The following CABLES1 variants were observed in gnomAD, a reference collection of about 807,000 sequenced individuals.
The protein encoded by CABLES1 is CDK5 and ABL1 enzyme substrate 1.
A neutral mutation model predicts 57.8 loss-of-function variants in CABLES1; 36 were observed. The ratio of observed to expected loss-of-function variants is 0.62; its 90% CI spans 0.48 to 0.82. The LOEUF (loss-of-function observed/expected upper bound fraction) is 0.82, where lower values mean the gene tolerates loss of function less well. CABLES1 is among the 40% of genes least tolerant of loss of function. The pLI is 0.00. For synonymous variants in CABLES1, 374 were observed against 363.0 expected (o/e 1.03, Z -0.35); for missense variants, 767 against 836.6 (o/e 0.92, Z 1.03).
rs1400381040 is a variant in CABLES1, at chr18:23,216,271, A to C, written c.1088+2217A>C. Among the ~76,000 whole-genome samples, 3 of 152,320 alleles carry C rather than the reference A, an allele frequency of 2.0e-5. No individual in the cohort carries two copies. The East Asian group carries it at 5.8e-4, about 29-fold the overall frequency. ...TAGATGACATCACTGATCCATCCTT[A>C]AGAGTTGAAATCTCAAACATCAACT... On this transcript the variant is annotated intron_variant, in intron 4 of 9. Transcript: ENST00000256925.
At chr18:23,244,804 T>C (rs1276676080) in intron 7 of CABLES1, among the ~76,000 whole-genome samples, 1 of 152,168 alleles carries the variant, frequency 6.6e-6, no homozygotes, top group African/African-American at 2.4e-5. Flanking sequence ...TACAGCTAGC[T>C]CCTGGGGTGC....
At position 23,212,003 on chromosome 18, in the gene CABLES1, G is replaced by A. The variant is rs932075837; in HGVS notation, c.1011-1974G>A. Among the ~76,000 whole-genome samples the A allele has an allele frequency of 1.3e-4, 20 of 152,228 alleles. 1 individual carries two copies. In the East Asian group the frequency reaches 1.9e-3, roughly 15 times the overall value. On this transcript the variant is annotated intron_variant, in intron 3 of 9. Coordinates refer to ENST00000256925, the MANE Select transcript of CABLES1 (RefSeq NM_001100619.3). ...TGCTCTGTCCTTGACAGTGACCAGC[G>A]TCCGGGCCCGTGGTATCTGATGAGC...
At chr18:23,236,725 A>G (rs558754163) in intron 6 of CABLES1, among the ~76,000 whole-genome samples, 1 of 152,302 alleles carries the variant, frequency 6.6e-6, no homozygotes, top group African/African-American at 2.4e-5. Flanking sequence ...TCATACGGAC[A>G]CAATAGCATG....
At chr18:23,152,935 G>A (rs551598073) in intron 1 of CABLES1, among the ~76,000 whole-genome samples, 1 of 151,032 alleles carries the variant, frequency 6.6e-6, no homozygotes, top group African/African-American at 2.4e-5. Context: ...CCGAGTAGCT[G>A]GGATTACAGG....
At chr18:23,186,423 CT>C (rs869108601) in intron 1 of CABLES1, among the ~76,000 whole-genome samples, 2,121 of 143,320 alleles carry the variant, frequency 0.015, 25 homozygotes, top group African/African-American at 0.039. Context: ...CTTTTCTCTT[CT>C]TTTTTTTTTT....
intron 1 of CABLES1, among the ~76,000 whole-genome samples, chr18:23,163,688 T>G (rs1386658865): frequency 6.6e-6 from 1 of 152,054 alleles, no homozygotes; most frequent in Non-Finnish European, 1.5e-5. Context: ...GTGGCCATCT[T>G]TAACTGGTGA....
rs754014882 is a variant in CABLES1 at position 23,136,526 on chromosome 18, C to T, written c.764C>T (p.Pro255Leu). ...ATCCTGCCCATCGCCTTCTCCAGGC[C>T]GACTTCGCAGAACTACTGCTCCCTG... is the stretch of plus-strand genomic sequence containing the variant. ...QGILPIAFSR[P>L]TSQNYCSLEQ... The change falls in exon 1 of 10, where the codon CCG becomes CTG. Residue 255 changes from proline to leucine, a missense_variant. Pro to Leu is a moderately conservative substitution (Grantham distance 98). Transcript: ENST00000256925. The T allele has an allele frequency of 2.5e-6, 4 of 1,588,878 alleles. No homozygotes were observed. Among genetic ancestry groups the T allele is most frequent in the African/African-American group, 1.4e-5 (1 of 73,768 alleles).
chr18:23,235,751 C>T, intron 5 of CABLES1, 144 bp from the exon 6 acceptor site: 1 of 884,812 alleles, frequency 1.1e-6, no homozygotes, highest in Non-Finnish European at 1.8e-6. Flanking sequence ...AAACAAATTT[C>T]ATTTTTCAGA....
intron 3 of CABLES1, among the ~76,000 whole-genome samples, chr18:23,209,274 A>G (rs558991599): frequency 1.3e-5 from 2 of 152,192 alleles, no homozygotes; most frequent in Admixed American, 6.5e-5. Flanking sequence ...AACATAGTAC[A>G]TACAGGCGTC....
In CABLES1 at chr18:23,236,006, CTCTCCAT is replaced by C; in HGVS notation, c.1298_1304del (p.Leu433GlnfsTer42). The stretch of plus-strand genomic sequence containing the variant: ...GTTCCGTAACCTGAGCCACCGCAGC[CTCTCCAT>C]AGGCCGGGCAAGCGGCACCCAGGGG... On this transcript the variant is annotated frameshift_variant, in exon 6 of 10. Transcript: ENST00000256925. LOFTEE classifies it high-confidence loss of function. 6.2e-7 allele frequency: 1 copy of C among 1,614,246 alleles called. No homozygotes were observed. Among genetic ancestry groups the C allele is most frequent in the Non-Finnish European group, 8.5e-7 (1 of 1,180,052 alleles).
intron 1 of CABLES1, among the ~76,000 whole-genome samples, chr18:23,182,104 C>T (rs1161409026): frequency 6.6e-6 from 1 of 152,122 alleles, no homozygotes; most frequent in Admixed American, 6.5e-5. Context: ...AGGTGGTTGG[C>T]CCAGGTATTT....
intron 1 of CABLES1, among the ~76,000 whole-genome samples, chr18:23,183,593 A>G (rs776309657): frequency 2.0e-5 from 3 of 152,210 alleles, no homozygotes; most frequent in Non-Finnish European, 2.9e-5. Flanking sequence ...ACTGTCAGAC[A>G]AGTCTGGGAG....
At chr18:23,216,049 C>T (rs545650084) in intron 4 of CABLES1, among the ~76,000 whole-genome samples, 6 of 152,306 alleles carry the variant, frequency 3.9e-5, no homozygotes, top group East Asian at 1.9e-4. Flanking sequence ...CCACCACGCC[C>T]GGCCAACTAC....
At chr18:23,178,608 AAG>A (rs1262949938) in intron 1 of CABLES1, among the ~76,000 whole-genome samples, 1 of 152,214 alleles carries the variant, frequency 6.6e-6, no homozygotes, top group African/African-American at 2.4e-5. Context: ...ACATGAGGGA[AAG>A]AGTGTTTTTC....
chr18:23,167,715 G>A, intron 1 of CABLES1, among the ~76,000 whole-genome samples: 1 of 150,846 alleles, frequency 6.6e-6, no homozygotes, highest in Non-Finnish European at 1.5e-5. Flanking sequence ...AAGCCCGGGA[G>A]GCCATGGGAG....
intron 7 of CABLES1, among the ~76,000 whole-genome samples, chr18:23,242,330 T>C (rs1240599925): frequency 2.0e-5 from 3 of 151,546 alleles, no homozygotes; most frequent in Admixed American, 6.6e-5. Context: ...GCTGGCCCGG[T>C]GGTTTGGTCT....
chr18:23,244,531 T>A (rs557603004), intron 7 of CABLES1, among the ~76,000 whole-genome samples: 1 of 152,376 alleles, frequency 6.6e-6, no homozygotes, highest in Non-Finnish European at 1.5e-5. Context: ...ACAGCTGAAA[T>A]GCCCATCTGT....
chr18:23,254,224 T>C (rs2048109262), intron 9 of CABLES1, among the ~76,000 whole-genome samples: 1 of 152,264 alleles, frequency 6.6e-6, no homozygotes, highest in African/African-American at 2.4e-5. Context: ...TAGAAGCCAC[T>C]GTACCTGCAA....
chr18:23,152,168 G>A lies in CABLES1; in HGVS notation c.845+15561G>A, dbSNP rs977837738. ...TAATCTTAGCTATCTGGAGGCTGAG[G>A]TGGGAGAATTGCCTGAGCCCAGGAG... On this transcript the variant is annotated intron_variant, in intron 1 of 9. Coordinates refer to ENST00000256925, the MANE Select transcript of CABLES1 (RefSeq NM_001100619.3). Among the ~76,000 whole-genome samples, 6 of 152,236 alleles carry A rather than the reference G, an allele frequency of 3.9e-5. No homozygotes were observed. The South Asian group carries it at 1.2e-3, about 32-fold the overall frequency.
Sources: gnomAD v4.1 joint callset for allele counts (sites outside exome capture counted in the v4.1 genomes callset) on GRCh38, gnomAD v4.1.1 for gene constraint, MANE v1.5 for transcripts, NCBI Gene and HGNC (gene_info 2026-07-23, HGNC 2026-07-21) for gene names.